UBE2V2: variants seen among roughly 807,000 people sequenced by gnomAD.
The protein encoded by UBE2V2 is ubiquitin conjugating enzyme E2 V2.
A neutral mutation model predicts 17.2 loss-of-function variants in UBE2V2; 9 were observed. That is an observed-to-expected ratio of 0.52 (90% confidence interval 0.32 to 0.91). UBE2V2 has a LOEUF of 0.91. UBE2V2 is among the 40% of genes least tolerant of loss of function. The pLI is 0.04. For synonymous variants in UBE2V2, 61 were observed against 57.5 expected, an observed-to-expected ratio of 1.06 and a Z score of -0.28; for missense variants, 133 against 182.6, an observed-to-expected ratio of 0.73 and a Z score of 1.56.
intron 1 of UBE2V2, among the ~76,000 whole-genome samples, chr8:48,021,774 G>C (rs1202856214): frequency 1.3e-5 from 2 of 151,370 alleles, no homozygotes; most frequent in Non-Finnish European, 2.9e-5. Flanking sequence ...TGCAACCTCT[G>C]CCTCCTGGGT....
At chr8:48,014,046 G>A (rs1236646173) in intron 1 of UBE2V2, among the ~76,000 whole-genome samples, 1 of 152,142 alleles carries the variant, frequency 6.6e-6, no homozygotes, top group Admixed American at 6.6e-5. Flanking sequence ...TCATAACCTA[G>A]AACTTGGGAA....
chr8:48,007,917 C>T (rs74595392), upstream of UBE2V2, among the ~76,000 whole-genome samples: 643 of 151,952 alleles, frequency 4.2e-3, 1 homozygote, highest in South Asian at 7.1e-3. Flanking sequence ...CTGTCAATGC[C>T]CACTTATTTT....
chr8:48,052,270 C>G (rs1563859747), intron 3 of UBE2V2, among the ~76,000 whole-genome samples: 2 of 152,252 alleles, frequency 1.3e-5, no homozygotes, highest in East Asian at 3.9e-4. Context: ...ATGAAGAAGA[C>G]CTTTGTTAGA....
At chr8:48,014,518 G>A (rs894372277) in intron 1 of UBE2V2, among the ~76,000 whole-genome samples, 9 of 151,498 alleles carry the variant, frequency 5.9e-5, no homozygotes, top group Non-Finnish European at 1.2e-4. Context: ...GGTGATGGGC[G>A]CCTGTAGTCC....
At chr8:48,003,540 G>A (rs989693115), upstream of UBE2V2, among the ~76,000 whole-genome samples, 1 of 152,168 alleles carries the variant, frequency 6.6e-6, no homozygotes, top group Non-Finnish European at 1.5e-5. Context: ...ATGTGTGTGA[G>A]TGTGCTTTGA....
chr8:48,042,872 T>A (rs1383252537), intron 1 of UBE2V2, 161 bp from the exon 2 acceptor site: 1 of 593,090 alleles, frequency 1.7e-6, no homozygotes, highest in South Asian at 5.8e-5. Context: ...TTTGAGGGGT[T>A]ATTAGATTCA....
intron 3 of UBE2V2, among the ~76,000 whole-genome samples, chr8:48,060,018 C>A (rs1326159384): frequency 6.6e-6 from 1 of 151,780 alleles, no homozygotes; most frequent in African/African-American, 2.4e-5. Context: ...CCAGTCTGGG[C>A]AACATGGTGA....
intron 2 of UBE2V2, chr8:48,043,623 A>T (rs2091478825): frequency 6.6e-6 from 1 of 152,586 alleles, no homozygotes. Flanking sequence ...AGAGAGGAGA[A>T]AAGGTGAGGA....
At chr8:48,059,477 C>T (rs1003668163) in intron 3 of UBE2V2, among the ~76,000 whole-genome samples, 1 of 151,842 alleles carries the variant, frequency 6.6e-6, no homozygotes, top group Non-Finnish European at 1.5e-5. Flanking sequence ...GGCGTGGTCT[C>T]GGCTCACTGC....
upstream of UBE2V2, among the ~76,000 whole-genome samples, chr8:48,004,359 T>TA (rs1229867100): frequency 2.6e-5 from 4 of 152,192 alleles, no homozygotes; most frequent in Non-Finnish European, 4.4e-5. Flanking sequence ...ATGATAATAT[T>TA]AGAGTTTTTC....
intron 1 of UBE2V2, among the ~76,000 whole-genome samples, chr8:48,009,363 T>C (rs2091211888): frequency 6.6e-6 from 1 of 151,712 alleles, no homozygotes. Flanking sequence ...CCTCCCAGGT[T>C]CAAGTGATTC....
chr8:48,030,216 G>A lies in UBE2V2; in HGVS notation c.17-12817G>A, dbSNP rs1353994603. On this transcript the variant is annotated intron_variant, in intron 1 of 3. Coordinates refer to ENST00000523111, the MANE Select transcript of UBE2V2 (RefSeq NM_003350.3). The stretch of plus-strand genomic sequence containing the variant: ...TCACTTACATGGTTGTCTTCCCCAC[G>A]AGATAGTAATGTCCTGGGGAAAGGA... Among the ~76,000 whole-genome samples, 3 of 152,116 alleles carry A rather than the reference G, an allele frequency of 2.0e-5. No homozygotes were observed. In the East Asian group the frequency reaches 5.8e-4, roughly 29 times the overall value.
upstream of UBE2V2, chr8:48,008,333 G>A (rs866878906): frequency 2.3e-6 from 3 of 1,328,696 alleles, no homozygotes; most frequent in South Asian, 1.8e-5. Context: ...CTGTCCCTCG[G>A]GTCGCCCCGC....
At chr8:48,031,915 G>A (rs965370096) in intron 1 of UBE2V2, among the ~76,000 whole-genome samples, 1 of 152,052 alleles carries the variant, frequency 6.6e-6, no homozygotes, top group Non-Finnish European at 1.5e-5. Flanking sequence ...CAAAGTGCTG[G>A]GATTGCAGGT....
chr8:48,021,496 T>C (rs916259618), intron 1 of UBE2V2, among the ~76,000 whole-genome samples: 2 of 151,468 alleles, frequency 1.3e-5, no homozygotes, highest in African/African-American at 2.4e-5. Context: ...TTAGTAGAGA[T>C]GGGGTTTCAC....
At chr8:48,018,401 C>A (rs1336657245) in intron 1 of UBE2V2, among the ~76,000 whole-genome samples, 1 of 151,954 alleles carries the variant, frequency 6.6e-6, no homozygotes, top group Non-Finnish European at 1.5e-5. Flanking sequence ...TTTTTAATAT[C>A]TTCATTGACC....
At chr8:48,000,472 A>G in the UBE2V2 span, among the ~76,000 whole-genome samples, 42 of 152,254 alleles carry the variant, frequency 2.8e-4, 1 homozygote, top group East Asian at 7.5e-3. Flanking sequence ...AAATTATTTT[A>G]CCACCTGCAA....
chr8:48,063,379 G>A lies in UBE2V2; in HGVS notation c.*2551G>A, dbSNP rs1802622577. 6.6e-6 allele frequency: 1 copy of A among 152,196 alleles called. No homozygotes were observed. Among genetic ancestry groups the A allele is most frequent in the Non-Finnish European group, 1.5e-5 (1 of 68,030 alleles). 9.4% of individuals were successfully genotyped at this position (152,196 alleles called of 1,614,324 possible). On this transcript the variant is annotated 3_prime_UTR_variant, in exon 4 of 4. Transcript: ENST00000523111. ...AAGCTCTTAATTATAATAACATTTG[G>A]AAGAAATTTTTCCTTTGTTTTGTAA...
chr8:48,043,133 A>C lies in UBE2V2; in HGVS notation c.117A>C (p.Glu39Asp), dbSNP rs770388842. ...TTAGCTGGGGCCTTGAAGATGATGAAGATATGACACTTACAAGGTGGACAG... is the reference window on the plus strand; with the variant it reads ...TTAGCTGGGGCCTTGAAGATGATGACGATATGACACTTACAAGGTGGACAG... ...GTVSWGLEDD[E>D]DMTLTRWTGM... Residue 39 changes from glutamate to aspartate, a missense_variant, in exon 2 of 4, where the codon GAA becomes GAC. Glu to Asp is a conservative substitution (Grantham distance 45). Transcript: ENST00000523111. 2 of 1,593,118 alleles carry C rather than the reference A, an allele frequency of 1.3e-6. No homozygotes were observed. Among genetic ancestry groups the C allele is most frequent in the Non-Finnish European group, 1.7e-6 (2 of 1,167,536 alleles).
Sources: allele counts gnomAD v4.1 joint callset (sites outside exome capture counted in the v4.1 genomes callset), GRCh38; gene constraint gnomAD v4.1.1; transcripts MANE v1.5; gene names NCBI Gene and HGNC (gene_info 2026-07-23, HGNC 2026-07-21).